The following CAST variants were observed in gnomAD, a reference collection of about 807,000 sequenced individuals.
CAST encodes the protein calpastatin, also known as MIR583 host.
Under a neutral mutation model 119.6 loss-of-function variants are expected in CAST, and 76 were observed. The observed-to-expected ratio is 0.64, with a 90% CI of 0.53 to 0.77. CAST has a LOEUF of 0.77. Among genes scored for constraint, CAST ranks in the 30% least tolerant of loss-of-function variants. CAST has a pLI of 0.00. For missense variants in CAST, 953 were observed against 946.5 expected, an observed-to-expected ratio of 1.01 and a Z score of -0.09; for synonymous variants, 319 against 331.6, an observed-to-expected ratio of 0.96 and a Z score of 0.41.
chr5:96,196,943 T>G, the CAST span, among the ~76,000 whole-genome samples: 1 of 152,190 alleles, frequency 6.6e-6, no homozygotes, highest in Non-Finnish European at 1.5e-5. Flanking sequence ...AGAGTAATGC[T>G]TTTGACTGAA....
rs1754132151 is a variant in CAST at position 96,702,867 on chromosome 5, ACCT to A, written c.210+6964_210+6966del. On this transcript the variant is annotated intron_variant, in intron 3 of 31. Transcript: ENST00000675179. ...GAGCCGAGCCCAGCTAGGAATGCAGACCTCCTGAAAACCAAGCCGAGGACTGCG... is the reference window on the plus strand; with the variant it reads ...GAGCCGAGCCCAGCTAGGAATGCAGACCTGAAAACCAAGCCGAGGACTGCG... The A allele has an allele frequency of 6.1e-6, 6 of 985,436 alleles. No homozygotes were observed. In the South Asian group the frequency reaches 1.9e-4, roughly 31 times the overall value. The allele number at this position is 985,436 out of a possible 1,614,324, so 61.0% of individuals were successfully genotyped here.
At chr5:96,054,042 G>C in the CAST span, among the ~76,000 whole-genome samples, 4 of 152,092 alleles carry the variant, frequency 2.6e-5, no homozygotes, top group Non-Finnish European at 4.4e-5. Context: ...TTTCTTGGTG[G>C]TGTGGGCAGC....
intron 1 of CAST, among the ~76,000 whole-genome samples, chr5:96,639,052 C>T (rs1747919375): frequency 6.6e-6 from 1 of 152,234 alleles, no homozygotes. Context: ...CATGTGTTGG[C>T]ATTTGGCCCT....
Position 96,726,874 on chromosome 5 carries a change from T to C in CAST, c.336+15T>C, listed in dbSNP as rs765085667. ...ACAAAAAACAGGTGATGTTGTTCAT[T>C]GTACTAGGGCATCTCTGTTTACTAA... is the stretch of plus-strand genomic sequence containing the variant. On this transcript the variant is annotated intron_variant, in intron 5 of 31. Transcript: ENST00000675179. 16 of 1,585,162 alleles carry C rather than the reference T, an allele frequency of 1.0e-5. No individual in the cohort carries two copies. Among genetic ancestry groups the C allele is most frequent in the Admixed American group, 8.4e-5 (5 of 59,374 alleles).
At chr5:96,390,671 G>A in the CAST span, 1 of 152,436 alleles carries the variant, frequency 6.6e-6, no homozygotes, top group South Asian at 2.1e-4. Flanking sequence ...AATTCTGTTT[G>A]ATAAAAGCAT....
chr5:96,255,947 C>T, the CAST span, among the ~76,000 whole-genome samples: 1 of 152,020 alleles, frequency 6.6e-6, no homozygotes, highest in South Asian at 2.1e-4. Flanking sequence ...CTTTGGGACC[C>T]TCTGTTAAAT....
At chr5:96,633,611 T>C (rs909831507) in intron 1 of CAST, among the ~76,000 whole-genome samples, 1 of 152,218 alleles carries the variant, frequency 6.6e-6, no homozygotes, top group Admixed American at 6.5e-5. Context: ...GATACCTGTA[T>C]TATAACATAT....
chr5:96,711,123 A>G (rs959411424), intron 3 of CAST, among the ~76,000 whole-genome samples: 2 of 152,308 alleles, frequency 1.3e-5, no homozygotes, highest in East Asian at 1.9e-4. Context: ...CAAAGATTAA[A>G]TGTGATCAAC....
At chr5:96,028,126 A>G in the CAST span, among the ~76,000 whole-genome samples, 3,138 of 152,212 alleles carry the variant, frequency 0.021, 75 homozygotes, top group Admixed American at 0.073. Flanking sequence ...ACAAACTCCT[A>G]TTAGCCATTG....
chr5:96,596,353 A>G (rs1052775277), intron 1 of CAST, among the ~76,000 whole-genome samples: 1 of 152,162 alleles, frequency 6.6e-6, no homozygotes, highest in Non-Finnish European at 1.5e-5. Flanking sequence ...GAATACAGTC[A>G]GCCACTAAAA....
At chr5:96,033,248 C>G in the CAST span, among the ~76,000 whole-genome samples, 1 of 151,968 alleles carries the variant, frequency 6.6e-6, no homozygotes, top group African/African-American at 2.4e-5. Flanking sequence ...CCATACTACC[C>G]AAAGAGATCA....
At chr5:96,581,897 T>A (rs200101370) in intron 1 of CAST, among the ~76,000 whole-genome samples, 1 of 129,856 alleles carries the variant, frequency 7.7e-6, no homozygotes, top group Non-Finnish European at 1.6e-5. Flanking sequence ...TCTCAAAAAA[T>A]AAATAAATAA....
At chr5:96,416,221 C>A in the CAST span, 3 of 822,360 alleles carry the variant, frequency 3.6e-6, no homozygotes, top group South Asian at 1.4e-5. Flanking sequence ...AACTTTTTGT[C>A]GGCCTTGTTA....
the CAST span, among the ~76,000 whole-genome samples, chr5:96,221,033 A>G: frequency 6.6e-6 from 1 of 152,182 alleles, no homozygotes; most frequent in East Asian, 1.9e-4. Flanking sequence ...AACAGAGTTT[A>G]GGTCATTATG....
the CAST span, among the ~76,000 whole-genome samples, chr5:96,038,377 T>A: frequency 0.012 from 1,782 of 152,170 alleles, 38 homozygotes; most frequent in African/African-American, 0.037. Context: ...TCCTTTTTTT[T>A]AAAAATTATT....
intron 1 of CAST, among the ~76,000 whole-genome samples, chr5:96,569,423 G>T (rs565794850): frequency 2.0e-5 from 3 of 152,278 alleles, no homozygotes; most frequent in Admixed American, 1.3e-4. Flanking sequence ...AAAGTCTACT[G>T]GGAAACCCAC....
the CAST span, among the ~76,000 whole-genome samples, chr5:96,286,574 T>A: frequency 2.0e-5 from 3 of 152,280 alleles, no homozygotes; most frequent in South Asian, 6.2e-4. Flanking sequence ...AGCTCTAAAT[T>A]GTCCTTAAAT....
chr5:96,049,527 TGAATGCCTCAGGGAGGCAGGGTGAGGG>T, the CAST span, among the ~76,000 whole-genome samples: 1 of 152,138 alleles, frequency 6.6e-6, no homozygotes, highest in Non-Finnish European at 1.5e-5. Flanking sequence ...AGGGGCTGAT[TGAATGCCTCAGGGAGGCAGGGTGAGGG>T]AGTTGCCTTA....
At chr5:96,539,156 G>A (rs569814018) in intron 1 of CAST, among the ~76,000 whole-genome samples, 3 of 152,112 alleles carry the variant, frequency 2.0e-5, no homozygotes, top group Non-Finnish European at 4.4e-5. Context: ...AGATTCAGCA[G>A]AACTGACTCA....
Sources: gnomAD v4.1 joint callset for allele counts (sites outside exome capture counted in the v4.1 genomes callset) on GRCh38, gnomAD v4.1.1 for gene constraint, MANE v1.5 for transcripts, NCBI Gene and HGNC (gene_info 2026-07-23, HGNC 2026-07-21) for gene names.